STK35: variants seen among roughly 807,000 people sequenced by gnomAD.
STK35 encodes the protein serine/threonine kinase 35.
In STK35, 17 loss-of-function variants were observed where a neutral mutation model predicts 37.3. The observed-to-expected ratio is 0.46, with a 90% confidence interval of 0.31 to 0.68. The LOEUF is 0.68. STK35 is among the 30% of genes least tolerant of loss of function. STK35 has a pLI of 0.05. For missense variants in STK35, 595 were observed against 746.7 expected (o/e 0.80, Z 2.37); for synonymous variants, 385 against 319.1 (o/e 1.21, Z -2.20).
chr20:2,110,416 G>A (rs1985595060), intron 2 of STK35, among the ~76,000 whole-genome samples: 1 of 152,036 alleles, frequency 6.6e-6, no homozygotes, highest in Admixed American at 6.5e-5. Context: ...AGTATAATAT[G>A]GTCCTTTAAA....
rs150150776 is a variant in STK35 at position 2,144,256 on chromosome 20, C to T, written c.*510C>T. On this transcript the variant is annotated 3_prime_UTR_variant, in exon 4 of 4. Transcript: ENST00000381482. ...TCTGGGGGTTTCTTCTGGAACGGGG[C>T]GTGAGGACACAAGGAGGCCTCTGGG... 128 of 241,386 alleles carry T rather than the reference C, an allele frequency of 5.3e-4. 1 individual carries two copies. Among genetic ancestry groups the T allele is most frequent in the African/African-American group, 2.8e-3 (119 of 42,040 alleles). 15.0% of individuals were successfully genotyped at this position (241,386 alleles called of 1,614,324 possible).
At chr20:2,119,848 G>T (rs1233095038) in intron 3 of STK35, among the ~76,000 whole-genome samples, 3 of 152,174 alleles carry the variant, frequency 2.0e-5, no homozygotes, top group African/African-American at 7.2e-5. Context: ...GTTTCTAGGT[G>T]GGGTTGGCTC....
At chr20:2,120,295 A>G (rs1321949459) in intron 3 of STK35, among the ~76,000 whole-genome samples, 3 of 152,172 alleles carry the variant, frequency 2.0e-5, no homozygotes, top group African/African-American at 7.2e-5. Flanking sequence ...TTTTGGCTAA[A>G]TTGGAGTGAT....
rs3047640 is a variant in STK35 at position 2,145,406 on chromosome 20, T to TCTATGTGA, written c.*1662_*1669dup. ...GAGACGGTTGGCGGGCATTTCCGTT[T>TCTATGTGA]CTATGTGACCAAGGCAGCAGGGGCT... On this transcript the variant is annotated 3_prime_UTR_variant, in exon 4 of 4. Transcript: ENST00000381482. 79,363 of 151,712 alleles carry TCTATGTGA rather than the reference T, an allele frequency of 0.52. 21,531 individuals are homozygous for TCTATGTGA. The highest frequency in any genetic ancestry group is 0.94 in the East Asian group (4,813 of 5,136). 9.4% of individuals were successfully genotyped at this position (151,712 alleles called of 1,614,324 possible).
At position 2,144,094 on chromosome 20, in the gene STK35, T is replaced by C; in HGVS notation, c.*348T>C. ...GCAAGGCATATGTGTAAATTTCACT[T>C]TTACTTTTTATAAGGGGTTAGGGAG... On this transcript the variant is annotated 3_prime_UTR_variant, in exon 4 of 4. Transcript: ENST00000381482. The C allele has an allele frequency of 6.0e-6, 2 of 332,342 alleles. No homozygotes were observed. Among genetic ancestry groups the C allele is most frequent in the South Asian group, 4.6e-5 (2 of 43,610 alleles). The allele number at this position is 332,342 out of a possible 1,614,324, so 20.6% of individuals were successfully genotyped here. A position where few individuals can be genotyped will look rare whatever the true frequency, so the allele number is the denominator to read the frequency against.
chr20:2,138,128 A>G (rs1419027272), intron 3 of STK35, among the ~76,000 whole-genome samples: 1 of 152,194 alleles, frequency 6.6e-6, no homozygotes, highest in Non-Finnish European at 1.5e-5. Flanking sequence ...ATGCCACTAC[A>G]CAGGACTGCG....
chr20:2,120,387 T>A (rs1600608000), intron 3 of STK35, among the ~76,000 whole-genome samples: 1 of 152,222 alleles, frequency 6.6e-6, no homozygotes, highest in Non-Finnish European at 1.5e-5. Flanking sequence ...TCCCAGGCTG[T>A]TTTGTTAATT....
chr20:2,133,675 G>A (rs913813593), intron 3 of STK35, among the ~76,000 whole-genome samples: 1 of 152,182 alleles, frequency 6.6e-6, no homozygotes, highest in Non-Finnish European at 1.5e-5. Flanking sequence ...TGGTCACCAC[G>A]GAGACCTCCA....
intron 2 of STK35, among the ~76,000 whole-genome samples, chr20:2,111,917 C>G (rs1249390810): frequency 6.6e-6 from 1 of 152,198 alleles, no homozygotes; most frequent in Admixed American, 6.5e-5. Flanking sequence ...CGCAGTTATT[C>G]TCAGCCTGCC....
chr20:2,135,820 A>T (rs558838113), intron 3 of STK35, among the ~76,000 whole-genome samples: 1 of 152,332 alleles, frequency 6.6e-6, no homozygotes, highest in African/African-American at 2.4e-5. Flanking sequence ...GCTGCGCTCC[A>T]GCTTGGGCGA....
rs528404045 is a variant in STK35 at position 2,144,694 on chromosome 20, T to C, written c.*948T>C. ...GTGAGGTCAGCGCTTCTCACCTAAC[T>C]GCCTCCTGGATTGTCATCTTCCCAG... is the stretch of plus-strand genomic sequence containing the variant. On this transcript the variant is annotated 3_prime_UTR_variant, in exon 4 of 4. Transcript: ENST00000381482. 4 of 153,126 alleles carry C rather than the reference T, an allele frequency of 2.6e-5. No homozygotes were observed. The highest frequency in any genetic ancestry group is 9.6e-5 in the African/African-American group (4 of 41,590). The allele number at this position is 153,126 out of a possible 1,614,324, so 9.5% of individuals were successfully genotyped here. A position where few individuals can be genotyped will look rare whatever the true frequency, so the allele number is the denominator to read the frequency against.
Position 2,103,295 on chromosome 20 carries a change from A to G in STK35, c.822A>G (p.Leu274=). ...FEECVLQRNG[L]AQRMSHGNKS... Reference sequence around the variant, plus strand: ...AGTGCGTCCTGCAGCGCAATGGGTTAGCCCAGCGCATGAGTCACGGCAACA... The same window carrying G: ...AGTGCGTCCTGCAGCGCAATGGGTTGGCCCAGCGCATGAGTCACGGCAACA... The change falls in exon 2 of 4, where the codon TTA becomes TTG. Residue 274 remains leucine (L), a synonymous_variant. Transcript: ENST00000381482. The G allele has an allele frequency of 6.2e-7, 1 of 1,613,094 alleles. No individual in the cohort carries two copies. The highest frequency in any genetic ancestry group is 8.5e-7 in the Non-Finnish European group (1 of 1,179,834).
chr20:2,118,561 A>T (rs150889841), intron 3 of STK35, among the ~76,000 whole-genome samples: 47 of 151,546 alleles, frequency 3.1e-4, no homozygotes, highest in African/African-American at 9.2e-4. Flanking sequence ...CAGCCTGGGC[A>T]ACAGAGCGAG....
At chr20:2,125,152 G>A (rs1985883577) in intron 3 of STK35, among the ~76,000 whole-genome samples, 1 of 152,168 alleles carries the variant, frequency 6.6e-6, no homozygotes, top group Non-Finnish European at 1.5e-5. Context: ...AAATCAGAGT[G>A]GCTCTTGTAA....
At position 2,103,152 on chromosome 20, in the gene STK35, C is replaced by G. The variant is rs1985440124; in HGVS notation, c.679C>G (p.Arg227Gly). 2 of 1,605,830 alleles carry G rather than the reference C, an allele frequency of 1.2e-6. No individual in the cohort carries two copies. The highest frequency in any genetic ancestry group is 1.7e-6 in the Non-Finnish European group (2 of 1,179,178). The change falls in exon 2 of 4, where the codon CGG (arginine) becomes GGG (glycine). Residue 227 changes from arginine (R) to glycine (G), a missense_variant. This residue lies in a region of STK35 where 97 missense variants were observed against 146.4 expected (regional missense o/e 0.66). Coordinates refer to ENST00000381482, the MANE Select transcript of STK35 (RefSeq NM_080836.4). ...YEAVAGRSGARVAVKKIRCDA... is the reference protein window; with the variant it reads ...YEAVAGRSGAGVAVKKIRCDA... ...GGCAGTGGCCGGGCGCAGCGGGGCCCGGGTGGCGGTCAAGAAGATCCGCTG... is the reference window on the plus strand; with the variant it reads ...GGCAGTGGCCGGGCGCAGCGGGGCCGGGGTGGCGGTCAAGAAGATCCGCTG...
chr20:2,128,127 A>C (rs2122569869), intron 3 of STK35, among the ~76,000 whole-genome samples: 1 of 152,164 alleles, frequency 6.6e-6, no homozygotes, highest in African/African-American at 2.4e-5. Flanking sequence ...CTGCACCTCA[A>C]ACCTACTGAG....
chr20:2,103,057 G>T lies in STK35; in HGVS notation c.584G>T (p.Gly195Val). The change falls in exon 2 of 4, where the codon GGC (glycine) becomes GTC (valine). Residue 195 changes from glycine (G) to valine (V), a missense_variant. Transcript: ENST00000381482. Reference protein sequence around the residue: ...FLARRRPEGGGGSARPRYSLL... With the variant: ...FLARRRPEGGVGSARPRYSLL... ...GCGCGGCGACGGCCTGAGGGCGGTG[G>T]CGGGTCCGCGCGGCCGCGTTACAGC... The T allele has an allele frequency of 6.4e-7, 1 of 1,565,880 alleles. No individual in the cohort carries two copies. The highest frequency in any genetic ancestry group is 8.6e-7 in the Non-Finnish European group (1 of 1,164,834).
At chr20:2,124,446 T>C (rs1985869993) in intron 3 of STK35, among the ~76,000 whole-genome samples, 1 of 152,096 alleles carries the variant, frequency 6.6e-6, no homozygotes, top group South Asian at 2.1e-4. Flanking sequence ...AAAGGGAGGA[T>C]GGGAAAAGGG....
intron 2 of STK35, among the ~76,000 whole-genome samples, chr20:2,107,203 G>A (rs114525070): frequency 6.6e-6 from 1 of 152,218 alleles, no homozygotes; most frequent in Non-Finnish European, 1.5e-5. Flanking sequence ...CTGTCAGTCA[G>A]AAATTCTGTT....
Sources: allele counts gnomAD v4.1 joint callset (sites outside exome capture counted in the v4.1 genomes callset), GRCh38; gene constraint gnomAD v4.1.1; regional missense constraint gnomAD v4.1.1; transcripts MANE v1.5; gene names NCBI Gene and HGNC (gene_info 2026-07-23, HGNC 2026-07-21).